ZC4H2: variants seen among roughly 807,000 people sequenced by gnomAD.
ZC4H2 encodes zinc finger C4H2 domain-containing protein.
For missense variants in ZC4H2, 137 were observed against 173.9 expected, an observed-to-expected ratio of 0.79 and a Z score of 1.19; for synonymous variants, 84 against 66.3, an observed-to-expected ratio of 1.27 and a Z score of -1.30.
At chrX:65,021,784 C>T (rs1932838526) in intron 1 of ZC4H2, among the ~76,000 whole-genome samples, 1 of 110,373 alleles carries the variant, frequency 9.1e-6, no homozygotes, top group African/African-American at 3.4e-5. Flanking sequence ...ACAAGCCAGA[C>T]TAATAAAGAA....
intron 1 of ZC4H2, among the ~76,000 whole-genome samples, chrX:64,953,169 T>C (rs143230934): frequency 0.02 from 2,258 of 111,982 alleles, 62 homozygotes; most frequent in African/African-American, 0.071. Context: ...CAAAAATTAA[T>C]TCAAGATGGA....
Position 64,976,038 on chromosome X carries a change from A to G in ZC4H2, c.53+287T>C, listed in dbSNP as rs186055028. ...TGGGGCACACAAGTACTTTTAAAAA[A>G]CGTGTCCATGAATGCAGAGCCCTGA... On this transcript the variant is annotated intron_variant, in intron 1 of 4. Coordinates refer to ENST00000374839, the MANE Select transcript of ZC4H2 (RefSeq NM_018684.4). 2.0e-3 allele frequency among the ~76,000 whole-genome samples: 227 copies of G among 111,506 alleles called. 2 individuals carry two copies. In the Admixed American group the frequency reaches 0.021, roughly 10 times the overall value.
At chrX:64,933,095 C>T (rs943733621) in intron 1 of ZC4H2, among the ~76,000 whole-genome samples, 23 of 111,443 alleles carry the variant, frequency 2.1e-4, no homozygotes, top group Middle Eastern at 4.7e-3. Context: ...TGGGTTATTT[C>T]GAAAGTCTTG....
intron 1 of ZC4H2, among the ~76,000 whole-genome samples, chrX:65,016,592 G>T (rs1430750595): frequency 5.4e-5 from 6 of 111,773 alleles, no homozygotes; most frequent in Non-Finnish European, 1.1e-4. Context: ...TTGGGAATGT[G>T]AAGAGATTTT....
intron 1 of ZC4H2, among the ~76,000 whole-genome samples, chrX:65,000,342 C>T (rs1932511781): frequency 9.0e-6 from 1 of 111,607 alleles, no homozygotes; most frequent in African/African-American, 3.3e-5. Context: ...GCAGAGGGGC[C>T]TGACTGTTAG....
At chrX:64,924,633 G>C (rs1322796579) in intron 1 of ZC4H2, among the ~76,000 whole-genome samples, 1 of 111,884 alleles carries the variant, frequency 8.9e-6, no homozygotes, top group African/African-American at 3.2e-5. Flanking sequence ...AACTGAGGAT[G>C]TGAAATCTAA....
chrX:65,034,560 G>A (rs1932983673), intron 1 of ZC4H2: 1 of 112,272 alleles, frequency 8.9e-6, no homozygotes, highest in Non-Finnish European at 1.9e-5. Context: ...GCTGGGAGAC[G>A]GTCGTATCCC....
At chrX:64,933,621 T>A (rs1929854708) in intron 1 of ZC4H2, among the ~76,000 whole-genome samples, 1 of 111,237 alleles carries the variant, frequency 9.0e-6, no homozygotes, top group South Asian at 3.9e-4. Context: ...AAACTCTGTA[T>A]GAGTTCCTTA....
intron 1 of ZC4H2, among the ~76,000 whole-genome samples, chrX:64,947,258 G>T (rs947304196): frequency 5.4e-5 from 6 of 111,898 alleles, no homozygotes; most frequent in African/African-American, 1.9e-4. Flanking sequence ...CCAGGAAATG[G>T]TCTATCTATT....
chrX:64,939,729 A>T (rs1404931352), intron 1 of ZC4H2, among the ~76,000 whole-genome samples: 1 of 112,278 alleles, frequency 8.9e-6, no homozygotes, highest in Non-Finnish European at 1.9e-5. Context: ...GGCTAGCCAG[A>T]TGCAGAAAAC....
chrX:64,960,655 A>C (rs989435059), intron 1 of ZC4H2, among the ~76,000 whole-genome samples: 9 of 112,516 alleles, frequency 8.0e-5, no homozygotes, highest in African/African-American at 2.9e-4. Context: ...ATACAAATAC[A>C]TGCAGCAACC....
chrX:65,003,974 C>T (rs981502072), intron 1 of ZC4H2, among the ~76,000 whole-genome samples: 5 of 111,399 alleles, frequency 4.5e-5, no homozygotes, highest in African/African-American at 1.3e-4. Context: ...TGCAAATAAA[C>T]TAGAAAATCT....
At chrX:64,934,899 G>A (rs1204928195) in intron 1 of ZC4H2, among the ~76,000 whole-genome samples, 1 of 111,279 alleles carries the variant, frequency 9.0e-6, no homozygotes, top group Non-Finnish European at 1.9e-5. Flanking sequence ...CACAAAACTG[G>A]GCGGCCCTTT....
chrX:64,964,045 C>T (rs945508910), intron 1 of ZC4H2, among the ~76,000 whole-genome samples: 7 of 110,211 alleles, frequency 6.4e-5, no homozygotes, highest in African/African-American at 2.0e-4. Flanking sequence ...GAGGGGGAAA[C>T]GTAGAGCTGC....
At chrX:64,967,300 A>G (rs1457037865) in intron 1 of ZC4H2, among the ~76,000 whole-genome samples, 1 of 111,636 alleles carries the variant, frequency 9.0e-6, no homozygotes, top group Non-Finnish European at 1.9e-5. Context: ...TCTAAATAAA[A>G]GGCCCTTCCT....
chrX:64,997,862 C>T (rs1278073937), intron 1 of ZC4H2, among the ~76,000 whole-genome samples: 1 of 111,754 alleles, frequency 8.9e-6, no homozygotes, highest in African/African-American at 3.3e-5. Context: ...AAGCAATCTG[C>T]CTGGCTCAGC....
chrX:65,009,936 C>T (rs753005559), intron 1 of ZC4H2, among the ~76,000 whole-genome samples: 96 of 112,152 alleles, frequency 8.6e-4, no homozygotes, highest in African/African-American at 2.9e-3. Context: ...TCCAGAGTTC[C>T]TGACACTACA....
At chrX:64,954,355 A>T (rs1232403436) in intron 1 of ZC4H2, among the ~76,000 whole-genome samples, 3 of 67,073 alleles carry the variant, frequency 4.5e-5, no homozygotes, top group African/African-American at 3.9e-4. Flanking sequence ...TATATATATA[A>T]TTATATATAT....
upstream of ZC4H2, chrX:64,976,527 C>T: frequency 1.9e-5 from 11 of 569,924 alleles, no homozygotes; most frequent in South Asian, 1.5e-4. Context: ...TAGTCCGGAG[C>T]TTCAGGGCCA....
Sources: allele counts gnomAD v4.1 joint callset (sites outside exome capture counted in the v4.1 genomes callset), GRCh38; gene constraint gnomAD v4.1.1; transcripts MANE v1.5; gene names NCBI Gene and HGNC (gene_info 2026-07-23, HGNC 2026-07-21).